Variants in GALNT9 observed in about 807,000 individuals in gnomAD.
The protein encoded by GALNT9 is GalNAc transferase 9.
GALNT9 carries 47 observed loss-of-function variants against 63.1 expected under a neutral mutation model. That is an observed-to-expected ratio of 0.75 (90% CI 0.59 to 0.95). GALNT9 has a LOEUF of 0.95. GALNT9 is among the 40% of genes least tolerant of loss of function. The pLI, the probability that GALNT9 is intolerant of heterozygous loss-of-function variation, is 0.00. For synonymous variants in GALNT9, 396 were observed against 365.7 expected, an observed-to-expected ratio of 1.08 and a Z score of -0.94; for missense variants, 829 against 874.8, an observed-to-expected ratio of 0.95 and a Z score of 0.66.
chr12:132,306,204 C>T (rs1368493592), intron 1 of GALNT9, among the ~76,000 whole-genome samples: 1 of 152,262 alleles, frequency 6.6e-6, no homozygotes, highest in African/African-American at 2.4e-5. Context: ...GCACCGGAAC[C>T]GCCTGCGGAG....
At chr12:132,301,240 C>T (rs1295265102) in intron 1 of GALNT9, among the ~76,000 whole-genome samples, 1 of 152,244 alleles carries the variant, frequency 6.6e-6, no homozygotes, top group Non-Finnish European at 1.5e-5. Flanking sequence ...TGGTGGCAGG[C>T]AAAGGCGTTA....
At chr12:132,259,513 G>C (rs1301212257) in intron 4 of GALNT9, among the ~76,000 whole-genome samples, 1 of 152,230 alleles carries the variant, frequency 6.6e-6, no homozygotes, top group Non-Finnish European at 1.5e-5. Context: ...GCACAGGGCA[G>C]AGGAGGCAGC....
intron 8 of GALNT9, 22 bp from the exon 9 acceptor site, chr12:132,199,291 G>GA (rs759821983): frequency 3.9e-6 from 6 of 1,557,350 alleles, no homozygotes; most frequent in South Asian, 1.1e-5. Context: ...AGCCCCAGGA[G>GA]AAAGTCCAGA....
chr12:132,216,269 A>AAAG (rs1459164394), intron 6 of GALNT9, among the ~76,000 whole-genome samples: 1 of 152,200 alleles, frequency 6.6e-6, no homozygotes, highest in African/African-American at 2.4e-5. Context: ...AGACACAGAG[A>AAAG]AAGACACACA....
chr12:132,308,738 G>C (rs1881702755), intron 1 of GALNT9, among the ~76,000 whole-genome samples: 1 of 152,248 alleles, frequency 6.6e-6, no homozygotes, highest in African/African-American at 2.4e-5. Context: ...CCATTGCATA[G>C]ACAGTGAGGC....
chr12:132,296,693 C>T lies in GALNT9; in HGVS notation c.239-10263G>A, dbSNP rs28717044. Among the ~76,000 whole-genome samples the T allele has an allele frequency of 0.034, 5,174 of 152,240 alleles. 145 individuals carry two copies. The highest frequency in any genetic ancestry group is 0.13 in the East Asian group (676 of 5,182). On this transcript the variant is annotated intron_variant, in intron 1 of 10. Transcript: ENST00000328957. The surrounding 1 kb of genome is among the most constrained non-coding windows in gnomAD (Gnocchi z 4.2). ...CACACACCAACTTTCAGCACCATTCCTCAAATGTGGCAATTCACAAGAAAA... is the reference window on the plus strand; with the variant it reads ...CACACACCAACTTTCAGCACCATTCTTCAAATGTGGCAATTCACAAGAAAA...
intron 6 of GALNT9, among the ~76,000 whole-genome samples, chr12:132,210,554 T>C (rs115173927): frequency 0.035 from 5,285 of 152,168 alleles, 283 homozygotes; most frequent in African/African-American, 0.12. Context: ...GACGGCTTCC[T>C]GAACCCCAGC....
At chr12:132,324,333 C>T (rs1465221299) in intron 1 of GALNT9, among the ~76,000 whole-genome samples, 1 of 152,216 alleles carries the variant, frequency 6.6e-6, no homozygotes, top group Non-Finnish European at 1.5e-5. Flanking sequence ...CGCCTCCAGC[C>T]GCGCCTTCCG....
intron 1 of GALNT9, among the ~76,000 whole-genome samples, chr12:132,292,934 G>A (rs1880916626): frequency 6.6e-6 from 1 of 152,238 alleles, no homozygotes; most frequent in African/African-American, 2.4e-5. Context: ...TTCCCACCAG[G>A]AGGAGAGTCT....
Position 132,262,550 on chromosome 12 carries a change from C to A in GALNT9, c.495G>T (p.Ser165=). ...CGCTGTGCACGGAGCGCAGGATGAC[C>A]GACAGCGCCTCATTGACGAAGATGA... The part of the protein sequence containing the change: ...VVFIFVNEAL[S]VILRSVHSVV... The change falls in exon 3 of 11, where the codon TCG becomes TCT. Residue 165 remains serine, a synonymous_variant. Transcript: ENST00000328957. 2.6e-6 allele frequency: 4 copies of A among 1,551,466 alleles called. No individual in the cohort carries two copies. The highest frequency in any genetic ancestry group is 3.5e-6 in the Non-Finnish European group (4 of 1,146,904).
chr12:132,327,736 G>A lies in GALNT9; in HGVS notation c.238+1230C>T, dbSNP rs1285565473. Among the ~76,000 whole-genome samples the A allele has an allele frequency of 6.6e-6, 1 of 152,140 alleles. No individual in the cohort carries two copies. Among genetic ancestry groups the A allele is most frequent in the Non-Finnish European group, 1.5e-5 (1 of 68,028 alleles). Reference sequence around the variant, plus strand: ...AAGTCAGGGATTCTGTGGGTGATGGGAAGGCGCTCAGGAAGTCAGGGTGCT... The same window carrying A: ...AAGTCAGGGATTCTGTGGGTGATGGAAAGGCGCTCAGGAAGTCAGGGTGCT... On this transcript the variant is annotated intron_variant, in intron 1 of 10. Coordinates refer to ENST00000328957, the MANE Select transcript of GALNT9 (RefSeq NM_001122636.2). The surrounding 1 kb of genome is among the most constrained non-coding windows in gnomAD (Gnocchi z 4.3).
chr12:132,293,106 G>A (rs989963449), intron 1 of GALNT9, among the ~76,000 whole-genome samples: 1 of 152,170 alleles, frequency 6.6e-6, no homozygotes, highest in African/African-American at 2.4e-5. Context: ...CAGTGGGGCC[G>A]AGCCGGCCAG....
intron 1 of GALNT9, among the ~76,000 whole-genome samples, chr12:132,294,240 T>A (rs1555243031): frequency 6.6e-6 from 1 of 152,172 alleles, no homozygotes; most frequent in Non-Finnish European, 1.5e-5. Flanking sequence ...AATGAACGAA[T>A]GACTCTGACC....
chr12:132,240,824 GTCCCTATACCCATTACACACACA>G (rs1878261507), intron 6 of GALNT9: 4 of 389,536 alleles, frequency 1.0e-5, no homozygotes, highest in East Asian at 1.6e-4. Flanking sequence ...TCCCAAGGCC[GTCCCTATACCCATTACACACACA>G]CCACACCCCC....
At chr12:132,217,548 CCACT>C (rs996445388) in intron 6 of GALNT9, among the ~76,000 whole-genome samples, 3 of 150,252 alleles carry the variant, frequency 2.0e-5, no homozygotes, top group Non-Finnish European at 4.4e-5. Context: ...ATTCATCCAT[CCACT>C]CACTCTATCC....
At chr12:132,240,166 G>A (rs946380641) in intron 6 of GALNT9, among the ~76,000 whole-genome samples, 1 of 152,180 alleles carries the variant, frequency 6.6e-6, no homozygotes, top group Admixed American at 6.5e-5. Context: ...AGCGTATTTA[G>A]GGGACGTTGC....
chr12:132,217,629 C>T (rs1301997444), intron 6 of GALNT9, among the ~76,000 whole-genome samples: 1 of 150,108 alleles, frequency 6.7e-6, no homozygotes, highest in Non-Finnish European at 1.5e-5. Flanking sequence ...TCCATCCATT[C>T]ACCCATCCCA....
At chr12:132,243,609 G>A (rs1056706984) in intron 6 of GALNT9, among the ~76,000 whole-genome samples, 2 of 152,072 alleles carry the variant, frequency 1.3e-5, no homozygotes, top group African/African-American at 2.4e-5. Flanking sequence ...TATTTCTCCC[G>A]CCTCTGTCAT....
Position 132,261,068 on chromosome 12 carries a change from A to G in GALNT9, c.641T>C (p.Val214Ala). The stretch of plus-strand genomic sequence containing the variant: ...CCGCCGGCTGTTGCGGACAATCTTC[A>G]CGAGGCCTGGGTACCGCTTGTTGAC... ...QYVNKRYPGL[V>A]KIVRNSRREG... The change falls in exon 4 of 11, where the codon GTG becomes GCG. Residue 214 changes from valine to alanine, a missense_variant. Transcript: ENST00000328957. The G allele has an allele frequency of 6.4e-7, 1 of 1,551,494 alleles. No individual in the cohort carries two copies. Among genetic ancestry groups the G allele is most frequent in the African/African-American group, 1.4e-5 (1 of 73,144 alleles).
Sources: allele counts gnomAD v4.1 joint callset (sites outside exome capture counted in the v4.1 genomes callset), GRCh38; gene constraint gnomAD v4.1.1; non-coding constraint Gnocchi (gnomAD v3.1); transcripts MANE v1.5; gene names NCBI Gene and HGNC (gene_info 2026-07-23, HGNC 2026-07-21).